GARIN2: variants seen among roughly 807,000 people sequenced by gnomAD.
GARIN2 encodes golgi associated RAB2 interactor family member 2, also known as Golgi-associated RAB2 interactor protein 2.
the GARIN2 span, among the ~76,000 whole-genome samples, chr14:67,215,829 G>A: frequency 1.3e-5 from 2 of 152,070 alleles, no homozygotes; most frequent in Admixed American, 6.6e-5. Context: ...CAAATCCAGT[G>A]CCCCCAACCC....
chr14:67,224,248 T>G, the GARIN2 span, among the ~76,000 whole-genome samples: 1 of 149,786 alleles, frequency 6.7e-6, no homozygotes, highest in African/African-American at 2.5e-5. Flanking sequence ...CTGAGTTCAT[T>G]TCTCTCTTTT....
At chr14:67,189,690 CCTT>C in the GARIN2 span, 97 of 152,208 alleles carry the variant, frequency 6.4e-4, no homozygotes, top group African/African-American at 2.2e-3. Context: ...TTCCTCTTCT[CCTT>C]CTAGTTTCAT....
At chr14:67,213,095 GT>G in the GARIN2 span, among the ~76,000 whole-genome samples, 18,311 of 135,562 alleles carry the variant, frequency 0.14, 1,983 homozygotes, top group East Asian at 0.45. Context: ...ATTCTGTGGT[GT>G]TTTTTTTTTT....
the GARIN2 span, among the ~76,000 whole-genome samples, chr14:67,207,548 A>G: frequency 6.6e-6 from 1 of 152,070 alleles, no homozygotes; most frequent in Non-Finnish European, 1.5e-5. Context: ...CATCCAAACC[A>G]TATCAAGAAG....
At chr14:67,201,508 T>C in the GARIN2 span, 1 of 455,994 alleles carries the variant, frequency 2.2e-6, no homozygotes, top group Admixed American at 2.3e-5. Flanking sequence ...CTCATCCTGG[T>C]GGCTCTGTCT....
the GARIN2 span, among the ~76,000 whole-genome samples, chr14:67,225,962 TGCGCGCGC>T: frequency 7.9e-5 from 9 of 113,490 alleles, no homozygotes; most frequent in South Asian, 8.9e-4. Context: ...TGTGTGTGTG[TGCGCGCGC>T]GCGCGTGCGC....
the GARIN2 span, among the ~76,000 whole-genome samples, chr14:67,203,673 A>G: frequency 6.6e-6 from 1 of 152,182 alleles, no homozygotes; most frequent in Non-Finnish European, 1.5e-5. Flanking sequence ...TTGAAGGATT[A>G]ATTTAAATGG....
chr14:67,205,112 A>T, the GARIN2 span: 2 of 1,534,726 alleles, frequency 1.3e-6, no homozygotes, highest in African/African-American at 1.4e-5. Flanking sequence ...GAAGACTTTC[A>T]TGCTTTAATA....
chr14:67,217,150 A>G, the GARIN2 span, among the ~76,000 whole-genome samples: 238 of 150,388 alleles, frequency 1.6e-3, no homozygotes, highest in African/African-American at 5.6e-3. Context: ...TTATAACTAT[A>G]GAATGACTTT....
chr14:67,224,759 T>G, the GARIN2 span: 1 of 252,686 alleles, frequency 4.0e-6, no homozygotes, highest in East Asian at 1.3e-4. Flanking sequence ...TATTGGGAGT[T>G]TCCTTCCTAC....
the GARIN2 span, among the ~76,000 whole-genome samples, chr14:67,226,666 TTTTG>T: frequency 6.6e-6 from 1 of 152,006 alleles, no homozygotes; most frequent in African/African-American, 2.4e-5. Flanking sequence ...TGGCTGAGCA[TTTTG>T]TTTATTAACA....
At chr14:67,212,880 C>A in the GARIN2 span, among the ~76,000 whole-genome samples, 2 of 149,674 alleles carry the variant, frequency 1.3e-5, no homozygotes, top group Admixed American at 6.6e-5. Context: ...AATCCCAGAG[C>A]CTCTAGATAC....
the GARIN2 span, chr14:67,208,422 G>A: frequency 6.2e-7 from 1 of 1,613,934 alleles, no homozygotes; most frequent in South Asian, 1.1e-5. Flanking sequence ...GATTTTCAGA[G>A]CACAGCTCTC....
At chr14:67,192,146 GC>G in the GARIN2 span, among the ~76,000 whole-genome samples, 1 of 152,172 alleles carries the variant, frequency 6.6e-6, no homozygotes, top group Non-Finnish European at 1.5e-5. Context: ...TCTGCATCCT[GC>G]CTGCTTAATT....
chr14:67,203,048 C>A, the GARIN2 span: 1 of 1,579,842 alleles, frequency 6.3e-7, no homozygotes, highest in Non-Finnish European at 8.6e-7. Flanking sequence ...GTTGTCAAAG[C>A]CACACATTTC....
At chr14:67,194,554 A>G in the GARIN2 span, among the ~76,000 whole-genome samples, 1 of 152,016 alleles carries the variant, frequency 6.6e-6, no homozygotes, top group Non-Finnish European at 1.5e-5. Context: ...CACACAGGCT[A>G]GAGTGCAGTG....
At chr14:67,225,970 CGCGCGTGCGCAT>C in the GARIN2 span, among the ~76,000 whole-genome samples, 798 of 104,866 alleles carry the variant, frequency 7.6e-3, 4 homozygotes, top group African/African-American at 0.019. Flanking sequence ...TGTGCGCGCG[CGCGCGTGCGCAT>C]GCGCGTGCAT....
At chr14:67,223,350 G>T in the GARIN2 span, among the ~76,000 whole-genome samples, 1 of 152,202 alleles carries the variant, frequency 6.6e-6, no homozygotes, top group Admixed American at 6.5e-5. Flanking sequence ...ACTGTAATGT[G>T]GTTAGGCCTA....
chr14:67,226,165 A>C, the GARIN2 span, among the ~76,000 whole-genome samples: 1 of 152,076 alleles, frequency 6.6e-6, no homozygotes, highest in Admixed American at 6.6e-5. Flanking sequence ...GCACTTGAGC[A>C]TTTTGTTTAT....
Sources: allele counts gnomAD v4.1 joint callset (sites outside exome capture counted in the v4.1 genomes callset), GRCh38; gene constraint gnomAD v4.1.1; transcripts MANE v1.5; gene names NCBI Gene and HGNC (gene_info 2026-07-23, HGNC 2026-07-21).